Variants in LARP4B observed in about 807,000 individuals in gnomAD.
LARP4B encodes the protein La ribonucleoprotein 4B.
A neutral mutation model predicts 89.8 loss-of-function variants in LARP4B; 12 were observed. That is an observed-to-expected ratio of 0.13 (90% CI 0.09 to 0.22). The LOEUF (loss-of-function observed/expected upper bound fraction) is 0.22, where lower values mean the gene tolerates loss of function less well. Among genes scored for constraint, LARP4B ranks in the 10% least tolerant of loss-of-function variants. The probability of loss-of-function intolerance (pLI) is 1.00; values close to 1 mark genes in which losing one functional copy is unlikely to be tolerated. For synonymous variants in LARP4B, 367 were observed against 363.3 expected (o/e 1.01, Z -0.12); for missense variants, 757 against 947.7 (o/e 0.80, Z 2.64).
chr10:966,922 C>A, the LARP4B span, among the ~76,000 whole-genome samples: 1 of 152,238 alleles, frequency 6.6e-6, no homozygotes, highest in African/African-American at 2.4e-5. Context: ...CTGAGGCCAC[C>A]CCCTCTTCCC....
the LARP4B span, among the ~76,000 whole-genome samples, chr10:945,596 G>A: frequency 6.6e-6 from 1 of 151,766 alleles, no homozygotes; most frequent in Non-Finnish European, 1.5e-5. Context: ...GCTGGGGCAG[G>A]AGAATGGGGT....
At chr10:912,322 A>C (rs994063932) in intron 1 of LARP4B, among the ~76,000 whole-genome samples, 4 of 143,950 alleles carry the variant, frequency 2.8e-5, no homozygotes, top group South Asian at 4.4e-4. Context: ...AAAAAATCGC[A>C]AAAAAAAAAA....
chr10:876,263 A>G (rs1275991861), intron 3 of LARP4B, among the ~76,000 whole-genome samples: 1 of 152,144 alleles, frequency 6.6e-6, no homozygotes, highest in African/African-American at 2.4e-5. Context: ...GCATGCCTGT[A>G]ATCCCAGCTA....
chr10:839,849 G>A (rs1833433772), intron 7 of LARP4B, among the ~76,000 whole-genome samples: 1 of 152,148 alleles, frequency 6.6e-6, no homozygotes, highest in Admixed American at 6.5e-5. Context: ...TTACACAAGT[G>A]TCCACAGCAA....
At chr10:939,178 T>C in the LARP4B span, among the ~76,000 whole-genome samples, 1 of 152,206 alleles carries the variant, frequency 6.6e-6, no homozygotes, top group Non-Finnish European at 1.5e-5. Context: ...GCTCTGGGTC[T>C]CCCAGCCTGG....
intron 6 of LARP4B, 106 bp downstream of exon 6, chr10:844,871 G>A (rs1317776481): frequency 2.7e-6 from 2 of 737,848 alleles, no homozygotes; most frequent in Non-Finnish European, 4.4e-6. Flanking sequence ...ACATATATAT[G>A]GATATGAGTA....
chr10:842,169 C>T (rs2131727238), intron 7 of LARP4B, among the ~76,000 whole-genome samples: 1 of 152,068 alleles, frequency 6.6e-6, no homozygotes, highest in South Asian at 2.1e-4. Flanking sequence ...TGTTGCCAAA[C>T]TTCAAAGAAA....
At chr10:876,491 T>C (rs981526140) in intron 3 of LARP4B, among the ~76,000 whole-genome samples, 1 of 152,220 alleles carries the variant, frequency 6.6e-6, no homozygotes, top group Non-Finnish European at 1.5e-5. Flanking sequence ...ATATTAAATA[T>C]TAAGCCTCTC....
At chr10:902,732 C>A (rs971797817) in intron 1 of LARP4B, among the ~76,000 whole-genome samples, 1 of 151,644 alleles carries the variant, frequency 6.6e-6, no homozygotes, top group African/African-American at 2.4e-5. Context: ...GCAACCTCCA[C>A]ATCCCAGGTT....
At chr10:945,349 C>T in the LARP4B span, among the ~76,000 whole-genome samples, 587 of 150,306 alleles carry the variant, frequency 3.9e-3, 5 homozygotes, top group African/African-American at 0.014. Context: ...ACACCACTGC[C>T]CTCCAGCCTG....
intron 3 of LARP4B, among the ~76,000 whole-genome samples, chr10:882,761 G>A (rs374737294): frequency 2.4e-4 from 37 of 152,288 alleles, no homozygotes; most frequent in Admixed American, 7.8e-4. Context: ...GTGGATAAAT[G>A]CAAATCTGCT....
the LARP4B span, among the ~76,000 whole-genome samples, chr10:974,566 C>T: frequency 1.3e-5 from 2 of 152,254 alleles, no homozygotes; most frequent in Admixed American, 6.5e-5. Context: ...AAATAACTCA[C>T]GTAAAGCAAG....
At chr10:956,936 C>T in the LARP4B span, among the ~76,000 whole-genome samples, 1 of 152,178 alleles carries the variant, frequency 6.6e-6, no homozygotes, top group African/African-American at 2.4e-5. This position sits in a 1 kb window ranked among gnomAD's most constrained non-coding sequence, Gnocchi z 4.3. Flanking sequence ...TGAAGAAGAG[C>T]TTGACATCTC....
chr10:895,446 C>T (rs1270440132), intron 1 of LARP4B, among the ~76,000 whole-genome samples: 1 of 151,422 alleles, frequency 6.6e-6, no homozygotes, highest in Non-Finnish European at 1.5e-5. Context: ...TGCCTGTAAT[C>T]CCAACACTTT....
chr10:972,337 C>T, the LARP4B span: 1 of 389,480 alleles, frequency 2.6e-6, no homozygotes, highest in African/African-American at 2.1e-5. Context: ...CTCTCTCTGT[C>T]TCTTGCACCC....
At chr10:864,060 A>C (rs1834765490) in intron 4 of LARP4B, 63 bp downstream of exon 4, 8 of 1,602,680 alleles carry the variant, frequency 5.0e-6, no homozygotes, top group African/African-American at 1.3e-5. Context: ...GACAGATTAA[A>C]ATGGCAACAA....
Position 843,000 on chromosome 10 carries a change from G to A in LARP4B, c.578C>T (p.Thr193Met), listed in dbSNP as rs1564399291. The change falls in exon 7 of 18, where the codon ACG becomes ATG. Residue 193 changes from threonine (T) to methionine (M), a missense_variant. Physicochemically the swap from Thr to Met is moderately conservative, Grantham distance 81. Coordinates refer to ENST00000316157, the MANE Select transcript of LARP4B (RefSeq NM_015155.3). ...MDSDQYVPIT[T>M]VANLDHIKKL... The stretch of plus-strand genomic sequence containing the variant: ...CTTGATGTGGTCGAGGTTAGCCACC[G>A]TTGTGATTGGCACATACTGGTCACT... 14 of 1,613,770 alleles carry A rather than the reference G, an allele frequency of 8.7e-6. No homozygotes were observed. Among genetic ancestry groups the A allele is most frequent in the African/African-American group, 1.3e-5 (1 of 74,934 alleles).
chr10:832,955 G>A (rs11817793), intron 8 of LARP4B, among the ~76,000 whole-genome samples: 24,555 of 152,012 alleles, frequency 0.16, 2,136 homozygotes, highest in Non-Finnish European at 0.19. Flanking sequence ...TAAAGCAAAC[G>A]TAACAACGAT....
At chr10:865,021 C>T (rs911770625) in intron 3 of LARP4B, among the ~76,000 whole-genome samples, 6 of 152,078 alleles carry the variant, frequency 3.9e-5, no homozygotes, top group African/African-American at 7.2e-5. Flanking sequence ...GAAAATTGCT[C>T]CTAAGAATGA....
Sources: gnomAD v4.1 joint callset for allele counts (sites outside exome capture counted in the v4.1 genomes callset) on GRCh38, gnomAD v4.1.1 for gene constraint, Gnocchi (gnomAD v3.1) non-coding constraint, MANE v1.5 for transcripts, NCBI Gene and HGNC (gene_info 2026-07-23, HGNC 2026-07-21) for gene names.